LYZL1: variants seen among roughly 807,000 people sequenced by gnomAD.
LYZL1 encodes the protein lysozyme-like protein 1.
LYZL1 carries 16 observed loss-of-function variants against 17.9 expected under a neutral mutation model. The ratio of observed to expected loss-of-function variants is 0.90; its 90% CI spans 0.61 to 1.36. The LOEUF (loss-of-function observed/expected upper bound fraction) is 1.36, where lower values mean the gene tolerates loss of function less well. Ranked by LOEUF, LYZL1 falls within the 40% of genes most tolerant of loss-of-function variation. LYZL1 has a pLI of 0.00. For missense variants in LYZL1, 149 were observed against 188.4 expected (o/e 0.79, Z 1.22); for synonymous variants, 58 against 71.8 (o/e 0.81, Z 0.97).
chr10:29,313,669 G>T (rs1315910011), downstream of LYZL1, among the ~76,000 whole-genome samples: 2 of 152,144 alleles, frequency 1.3e-5, no homozygotes, highest in African/African-American at 4.8e-5. Flanking sequence ...CATTTTCCCA[G>T]ATAATTTTCC....
downstream of LYZL1, among the ~76,000 whole-genome samples, chr10:29,312,994 T>A (rs114400717): frequency 0.017 from 2,543 of 152,300 alleles, 82 homozygotes; most frequent in African/African-American, 0.058. Context: ...AGCGCCTAAA[T>A]AACCCTTCAA....
Position 29,289,204 on chromosome 10 carries a change from G to A in LYZL1, c.-52G>A, listed in dbSNP as rs755418008. The A allele has an allele frequency of 8.5e-5, 135 of 1,593,740 alleles. 1 individual carries two copies. The East Asian group carries it at 2.7e-3, about 32-fold the overall frequency. ...ACTCAACTGAGAAGTCAGCCTCTGG[G>A]GCAGGCACCAGGAATCTGCCTTTTC... On this transcript the variant is annotated 5_prime_UTR_variant, in exon 1 of 5. Coordinates refer to ENST00000649382, the MANE Select transcript of LYZL1 (RefSeq NM_032517.6).
chr10:29,313,877 G>A (rs1337657352), downstream of LYZL1, among the ~76,000 whole-genome samples: 1 of 152,160 alleles, frequency 6.6e-6, no homozygotes, highest in Non-Finnish European at 1.5e-5. Flanking sequence ...GCAGACCATT[G>A]GGTATTAGGG....
At chr10:29,305,204 A>G (rs1835574249) in intron 3 of LYZL1, among the ~76,000 whole-genome samples, 1 of 152,190 alleles carries the variant, frequency 6.6e-6, no homozygotes, top group African/African-American at 2.4e-5. Context: ...TTTATCAAGC[A>G]CCCGAAATAA....
chr10:29,295,191 G>C (rs1339581214), intron 3 of LYZL1, among the ~76,000 whole-genome samples: 1 of 152,116 alleles, frequency 6.6e-6, no homozygotes, highest in Non-Finnish European at 1.5e-5. Flanking sequence ...CCCGATTGTT[G>C]GTCAGCCCTT....
chr10:29,306,710 G>A (rs1322497965), intron 3 of LYZL1, among the ~76,000 whole-genome samples: 1 of 151,524 alleles, frequency 6.6e-6, no homozygotes, highest in East Asian at 1.9e-4. Context: ...TAAATAACAT[G>A]ATAATTTTAT....
chr10:29,292,548 T>C lies in LYZL1; in HGVS notation c.169T>C (p.Tyr57His), dbSNP rs1212100102. ...WICMAYYESG[Y>H]NTTAQTVLDD... ...CTGCATGGCATATTATGAGAGCGGCTACAACACCACAGCCCAGACGGTCCT... is the reference window on the plus strand; with the variant it reads ...CTGCATGGCATATTATGAGAGCGGCCACAACACCACAGCCCAGACGGTCCT... Residue 57 changes from tyrosine to histidine, a missense_variant, in exon 3 of 5, where the codon TAC becomes CAC. Transcript: ENST00000649382. 6.2e-7 allele frequency: 1 copy of C among 1,614,094 alleles called. No individual in the cohort carries two copies. Among genetic ancestry groups the C allele is most frequent in the African/African-American group, 1.3e-5 (1 of 74,948 alleles).
chr10:29,312,144 T>G (rs1033553351), downstream of LYZL1, among the ~76,000 whole-genome samples: 2 of 152,150 alleles, frequency 1.3e-5, no homozygotes, highest in African/African-American at 4.8e-5. Context: ...TACAGCATTT[T>G]TTTTGTTTTG....
intron 3 of LYZL1, among the ~76,000 whole-genome samples, chr10:29,300,597 C>A (rs1835504093): frequency 6.6e-6 from 1 of 151,852 alleles, no homozygotes; most frequent in Non-Finnish European, 1.5e-5. Flanking sequence ...CTCTTCATTC[C>A]TTTGGTGGAT....
chr10:29,296,931 T>A (rs1197534592), intron 3 of LYZL1, among the ~76,000 whole-genome samples: 5 of 151,596 alleles, frequency 3.3e-5, no homozygotes, highest in Non-Finnish European at 5.9e-5. Flanking sequence ...AGCAGTGACA[T>A]GAAAAAAAAT....
intron 3 of LYZL1, 51 bp from the exon 4 acceptor site, chr10:29,310,059 C>T (rs374131609): frequency 1.9e-5 from 25 of 1,350,124 alleles, no homozygotes; most frequent in Non-Finnish European, 2.3e-5. Context: ...GTTGAGGTCC[C>T]TCTCCAACAA....
chr10:29,292,696 A>T lies in LYZL1; in HGVS notation c.298+19A>T. 1 of 1,606,466 alleles carries T rather than the reference A, an allele frequency of 6.2e-7. No homozygotes were observed. The highest frequency in any genetic ancestry group is 8.5e-7 in the Non-Finnish European group (1 of 1,175,722). ...TGCTCAGGTGAGGCTCTGACTTTCC[A>T]GTGATGCCATCCTCAGGACTAGGCG... On this transcript the variant is annotated intron_variant, in intron 3 of 4. Transcript: ENST00000649382.
At chr10:29,299,291 T>A (rs1835486488) in intron 3 of LYZL1, among the ~76,000 whole-genome samples, 1 of 152,210 alleles carries the variant, frequency 6.6e-6, no homozygotes, top group South Asian at 2.1e-4. Context: ...GGTATCCGTC[T>A]GTGGTTAGGG....
intron 3 of LYZL1, among the ~76,000 whole-genome samples, chr10:29,304,103 C>A (rs1006306674): frequency 3.3e-5 from 5 of 152,166 alleles, no homozygotes; most frequent in African/African-American, 9.7e-5. Flanking sequence ...CACTCTCATT[C>A]CAAATTGTAT....
At chr10:29,311,985 C>T (rs982143381), downstream of LYZL1, among the ~76,000 whole-genome samples, 2 of 150,464 alleles carry the variant, frequency 1.3e-5, no homozygotes, top group African/African-American at 4.9e-5. Context: ...GGGGAGGGAA[C>T]GTTTTTTTTC....
downstream of LYZL1, among the ~76,000 whole-genome samples, chr10:29,315,173 G>A (rs1035086043): frequency 1.3e-5 from 2 of 152,192 alleles, no homozygotes; most frequent in Non-Finnish European, 2.9e-5. Context: ...TCAATAAACA[G>A]GAACTACTCT....
chr10:29,316,706 CCTTTTTTTTTTT>C (rs1309537502), intron 3 of LYZL1, among the ~76,000 whole-genome samples: 1 of 128,450 alleles, frequency 7.8e-6, no homozygotes, highest in East Asian at 2.3e-4. Context: ...TTTTCCTTTT[CCTTTTTTTTTTT>C]CTTTTTTTTT....
intron 3 of LYZL1, among the ~76,000 whole-genome samples, chr10:29,295,130 T>A (rs1835430961): frequency 6.6e-6 from 1 of 152,336 alleles, no homozygotes; most frequent in East Asian, 1.9e-4. Flanking sequence ...TAGTATATTG[T>A]CCCTACCCTA....
In LYZL1 at chr10:29,294,038, C is replaced by T. The variant is rs539010543; in HGVS notation, c.298+1361C>T. On this transcript the variant is annotated intron_variant, in intron 3 of 4. Transcript: ENST00000649382. ...TCTGTAAACACAGTGATATTTGACC[C>T]GAGACTTAGAAGATAGGGAAGATTT... is the stretch of plus-strand genomic sequence containing the variant. 5.9e-5 allele frequency among the ~76,000 whole-genome samples: 9 copies of T among 151,626 alleles called. No individual in the cohort carries two copies. In the South Asian group the frequency reaches 1.3e-3, roughly 21 times the overall value.
Sources: allele counts gnomAD v4.1 joint callset (sites outside exome capture counted in the v4.1 genomes callset), GRCh38; gene constraint gnomAD v4.1.1; transcripts MANE v1.5; gene names NCBI Gene and HGNC (gene_info 2026-07-23, HGNC 2026-07-21).